Variants in MAML3 observed in about 807,000 individuals in gnomAD.
MAML3 encodes mastermind like transcriptional coactivator 3, also known as mastermind-like protein 3.
A neutral mutation model predicts 101.9 loss-of-function variants in MAML3; 27 were observed. The ratio of observed to expected loss-of-function variants is 0.27; its 90% CI spans 0.20 to 0.37. MAML3 has a LOEUF of 0.37. Among genes scored for constraint, MAML3 ranks in the 10% least tolerant of loss-of-function variants. The pLI, the probability that MAML3 is intolerant of heterozygous loss-of-function variation, is 1.00. For synonymous variants in MAML3, 501 were observed against 555.9 expected, an observed-to-expected ratio of 0.90 and a Z score of 1.39; for missense variants, 1,316 against 1,444.9, an observed-to-expected ratio of 0.91 and a Z score of 1.45.
chr4:139,816,609 C>T (rs1277336622), intron 2 of MAML3, among the ~76,000 whole-genome samples: 1 of 152,104 alleles, frequency 6.6e-6, no homozygotes, highest in Non-Finnish European at 1.5e-5. Context: ...ACGGCTCAGC[C>T]CTGTCTCCCT....
At chr4:139,808,436 A>T (rs1054319367) in intron 2 of MAML3, among the ~76,000 whole-genome samples, 1 of 152,242 alleles carries the variant, frequency 6.6e-6, no homozygotes, top group Non-Finnish European at 1.5e-5. Context: ...TTTATTGGCC[A>T]CAGAGGGGAA....
At position 140,153,929 on chromosome 4, in the gene MAML3, A is replaced by G. The variant is rs1405786536; in HGVS notation, c.-602T>C. ...CTTTGGCTGCTCAGTTGCATTTCAC[A>G]GGAACCTAGATATCGAATCCTCGGG... On this transcript the variant is annotated 5_prime_UTR_variant, in exon 1 of 5. Transcript: ENST00000509479. 1.3e-5 allele frequency: 2 copies of G among 153,192 alleles called. No individual in the cohort carries two copies. The highest frequency in any genetic ancestry group is 2.9e-5 in the Non-Finnish European group (2 of 68,392). 9.5% of individuals were successfully genotyped at this position (153,192 alleles called of 1,614,324 possible).
intron 1 of MAML3, among the ~76,000 whole-genome samples, chr4:140,087,557 C>T (rs1019256206): frequency 6.6e-6 from 1 of 152,214 alleles, no homozygotes; most frequent in Non-Finnish European, 1.5e-5. Context: ...TACCCATTTA[C>T]AGAAACATCA....
At chr4:140,122,749 G>A (rs1728627655) in intron 1 of MAML3, among the ~76,000 whole-genome samples, 2 of 131,266 alleles carry the variant, frequency 1.5e-5, no homozygotes, top group South Asian at 2.5e-4. Flanking sequence ...CTGAGATCCC[G>A]CCACTGCACT....
At chr4:140,070,766 G>C (rs1727636990) in intron 1 of MAML3, among the ~76,000 whole-genome samples, 1 of 152,222 alleles carries the variant, frequency 6.6e-6, no homozygotes, top group South Asian at 2.1e-4. Context: ...TCATACTTTA[G>C]CTTATTATCT....
intron 1 of MAML3, among the ~76,000 whole-genome samples, chr4:139,954,512 C>T (rs1733884182): frequency 6.6e-6 from 1 of 152,142 alleles, no homozygotes; most frequent in South Asian, 2.1e-4. Context: ...ACAGCTGCTT[C>T]CAGAATGCAC....
At chr4:140,103,095 G>C (rs972498980) in intron 1 of MAML3, among the ~76,000 whole-genome samples, 1 of 152,178 alleles carries the variant, frequency 6.6e-6, no homozygotes, top group Non-Finnish European at 1.5e-5. Context: ...AAGGACCACT[G>C]CTTGCTCTGC....
chr4:139,882,645 T>C (rs1732243177), intron 2 of MAML3, among the ~76,000 whole-genome samples: 1 of 152,176 alleles, frequency 6.6e-6, no homozygotes, highest in South Asian at 2.1e-4. Flanking sequence ...GGTCAGGAGT[T>C]TGAGACCATC....
intron 1 of MAML3, among the ~76,000 whole-genome samples, chr4:139,963,491 G>C (rs996643753): frequency 6.6e-6 from 1 of 152,176 alleles, no homozygotes; most frequent in African/African-American, 2.4e-5. Context: ...TCTTGTCTAC[G>C]TGGCCGACAA....
intron 2 of MAML3, among the ~76,000 whole-genome samples, chr4:139,743,601 G>A (rs1729228467): frequency 6.6e-6 from 1 of 152,146 alleles, no homozygotes; most frequent in African/African-American, 2.4e-5. Flanking sequence ...AGGGGTGAGT[G>A]GGGATGACAA....
intron 2 of MAML3, 24 bp from the exon 3 acceptor site, chr4:139,730,691 A>G (rs755979555): frequency 1.3e-6 from 2 of 1,597,292 alleles, no homozygotes; most frequent in Admixed American, 3.4e-5. Flanking sequence ...AGAGAGGGAG[A>G]TGCAGGGATT....
intron 1 of MAML3, among the ~76,000 whole-genome samples, chr4:139,995,006 T>A (rs991022563): frequency 6.6e-6 from 1 of 152,150 alleles, no homozygotes; most frequent in South Asian, 2.1e-4. Context: ...TCATTATATA[T>A]GATGTTAACT....
In MAML3 at chr4:140,067,196, T is replaced by C. The variant is rs571794899; in HGVS notation, c.468+85664A>G. Among the ~76,000 whole-genome samples the C allele has an allele frequency of 8.9e-4, 109 of 122,346 alleles. No individual in the cohort carries two copies. The East Asian group carries it at 0.023, about 26-fold the overall frequency. 80.3% of individuals were successfully genotyped at this position (122,346 alleles called of 152,430 possible). On this transcript the variant is annotated intron_variant, in intron 1 of 4. Coordinates refer to ENST00000509479, the MANE Select transcript of MAML3 (RefSeq NM_018717.5). The stretch of plus-strand genomic sequence containing the variant: ...CTAGTGGGCCATTCAGAACAAATTT[T>C]AGGGGTGTGTGTGTGTGTGTGTGTG...
At chr4:139,854,414 C>T (rs1328736730) in intron 2 of MAML3, among the ~76,000 whole-genome samples, 1 of 149,132 alleles carries the variant, frequency 6.7e-6, no homozygotes, top group African/African-American at 2.5e-5. Flanking sequence ...CTATTACAGT[C>T]AATTTCCCCC....
intron 4 of MAML3, among the ~76,000 whole-genome samples, chr4:139,723,549 T>C (rs1428400737): frequency 6.6e-6 from 1 of 152,126 alleles, no homozygotes; most frequent in African/African-American, 2.4e-5. Flanking sequence ...CGACCTCAGG[T>C]GAACTGCCCG....
At chr4:139,941,063 A>G (rs1444243044) in intron 1 of MAML3, among the ~76,000 whole-genome samples, 1 of 152,198 alleles carries the variant, frequency 6.6e-6, no homozygotes, top group Non-Finnish European at 1.5e-5. Flanking sequence ...TCTTCACCCT[A>G]CAATGTAGAT....
At chr4:140,044,154 G>A (rs1191500689) in intron 1 of MAML3, among the ~76,000 whole-genome samples, 7 of 151,628 alleles carry the variant, frequency 4.6e-5, no homozygotes, top group Non-Finnish European at 7.4e-5. Context: ...GTGTGTTCTC[G>A]GCAGTTTCAA....
intron 2 of MAML3, among the ~76,000 whole-genome samples, chr4:139,781,641 A>T (rs13125256): frequency 0.18 from 27,364 of 151,724 alleles, 2,658 homozygotes; most frequent in Non-Finnish European, 0.21. Context: ...GTGGGCAAAG[A>T]GGGGAGAATG....
chr4:140,112,131 TC>T (rs1728448279), intron 1 of MAML3, among the ~76,000 whole-genome samples: 2 of 152,158 alleles, frequency 1.3e-5, no homozygotes, highest in African/African-American at 4.8e-5. Flanking sequence ...GTCATCAATT[TC>T]TATATCAGTA....
Sources: allele counts gnomAD v4.1 joint callset (sites outside exome capture counted in the v4.1 genomes callset), GRCh38; gene constraint gnomAD v4.1.1; transcripts MANE v1.5; gene names NCBI Gene and HGNC (gene_info 2026-07-23, HGNC 2026-07-21).